Variants in ASTN1 observed in about 807,000 individuals in gnomAD.
ASTN1 encodes astrotactin-1.
A neutral mutation model predicts 140.7 loss-of-function variants in ASTN1; 41 were observed. The ratio of observed to expected loss-of-function variants is 0.29; its 90% CI spans 0.23 to 0.38. The LOEUF (loss-of-function observed/expected upper bound fraction) is 0.38. Among genes scored for constraint, ASTN1 ranks in the 10% least tolerant of loss-of-function variants. The pLI is 1.00. For missense variants in ASTN1, 1,479 were observed against 1,678.8 expected (o/e 0.88, Z 2.08); for synonymous variants, 640 against 652.2 (o/e 0.98, Z 0.29).
At chr1:177,077,805 T>G (rs776959616) in intron 1 of ASTN1, among the ~76,000 whole-genome samples, 1 of 152,136 alleles carries the variant, frequency 6.6e-6, no homozygotes, top group Non-Finnish European at 1.5e-5. Flanking sequence ...CCTGAGGCCC[T>G]TCATTTCACA....
chr1:177,149,641 A>AAT (rs1183190274), intron 1 of ASTN1, among the ~76,000 whole-genome samples: 1 of 85,426 alleles, frequency 1.2e-5, no homozygotes, highest in African/African-American at 7.2e-5. Context: ...ATATATAGTA[A>AAT]ATATATATAC....
chr1:176,917,904 G>A (rs1670558772), intron 16 of ASTN1, among the ~76,000 whole-genome samples: 2 of 152,136 alleles, frequency 1.3e-5, no homozygotes, highest in South Asian at 2.1e-4. Flanking sequence ...ACAGGGTGGC[G>A]AGAAAAACAG....
chr1:177,101,704 T>C (rs1680308201), intron 1 of ASTN1, among the ~76,000 whole-genome samples: 1 of 152,144 alleles, frequency 6.6e-6, no homozygotes, highest in East Asian at 1.9e-4. Context: ...ATATGTCATT[T>C]AAAAAAATTG....
At chr1:177,149,232 A>AT (rs1682877600) in intron 1 of ASTN1, among the ~76,000 whole-genome samples, 2 of 80,302 alleles carry the variant, frequency 2.5e-5, no homozygotes, top group African/African-American at 2.2e-4. Flanking sequence ...TATATATAGT[A>AT]AATATATATA....
At chr1:176,878,699 A>C (rs1390740144) in intron 20 of ASTN1, among the ~76,000 whole-genome samples, 2 of 151,824 alleles carry the variant, frequency 1.3e-5, no homozygotes, top group Admixed American at 1.3e-4. Flanking sequence ...TCCTCTGCCC[A>C]CCTGCTCTAG....
At chr1:177,131,708 A>C (rs190323245) in intron 1 of ASTN1, among the ~76,000 whole-genome samples, 215 of 152,324 alleles carry the variant, frequency 1.4e-3, no homozygotes, top group Admixed American at 2.2e-3. Context: ...AGAATACCTG[A>C]GAGCAGGTAG....
intron 19 of ASTN1, among the ~76,000 whole-genome samples, chr1:176,883,226 A>G (rs1668883205): frequency 6.8e-6 from 1 of 147,520 alleles, no homozygotes; most frequent in Non-Finnish European, 1.5e-5. Context: ...CACACCTGAG[A>G]GCTTCTTTTT....
rs375576509 is a variant in ASTN1 at position 176,977,931 on chromosome 1, AGGCAG to A, written c.1524-12699_1524-12695del. ...GACTTGGGGTGACATCCTCATTTCCAGGCAGGGTGGAAGAGATCGCAAGTGAAATG... is the reference window on the plus strand; with the variant it reads ...GACTTGGGGTGACATCCTCATTTCCAGGTGGAAGAGATCGCAAGTGAAATG... On this transcript the variant is annotated intron_variant, in intron 8 of 22. Coordinates refer to ENST00000361833, the MANE Select transcript of ASTN1 (RefSeq NM_004319.3). Among the ~76,000 whole-genome samples the A allele has an allele frequency of 2.8e-4, 42 of 152,328 alleles. No homozygotes were observed. In the South Asian group the frequency reaches 8.5e-3, roughly 31 times the overall value.
At chr1:177,063,335 G>A (rs578187444) in intron 1 of ASTN1, among the ~76,000 whole-genome samples, 1 of 152,212 alleles carries the variant, frequency 6.6e-6, no homozygotes, top group African/African-American at 2.4e-5. Flanking sequence ...TAACCACCTA[G>A]AGGACTCAGT....
intron 22 of ASTN1, among the ~76,000 whole-genome samples, chr1:176,865,271 C>G (rs573104769): frequency 4.0e-4 from 61 of 152,282 alleles, no homozygotes; most frequent in African/African-American, 1.3e-3. Context: ...GGAGAGAGGA[C>G]AGCAAGGTGC....
At chr1:176,985,895 C>CACAG (rs1553238635) in intron 8 of ASTN1, among the ~76,000 whole-genome samples, 1 of 138,634 alleles carries the variant, frequency 7.2e-6, no homozygotes, top group African/African-American at 2.8e-5. Flanking sequence ...CACACACACA[C>CACAG]AGACAGCCTT....
intron 1 of ASTN1, among the ~76,000 whole-genome samples, chr1:177,080,698 T>G (rs1432860773): frequency 1.3e-5 from 2 of 152,176 alleles, no homozygotes; most frequent in East Asian, 3.9e-4. Context: ...TCTTGAGATT[T>G]TATGTCCCTA....
At chr1:176,868,188 G>T (rs1193878173) in intron 22 of ASTN1, among the ~76,000 whole-genome samples, 1 of 152,144 alleles carries the variant, frequency 6.6e-6, no homozygotes, top group Non-Finnish European at 1.5e-5. Context: ...GCAATATACA[G>T]TTATGATTAA....
intron 1 of ASTN1, among the ~76,000 whole-genome samples, chr1:177,093,763 A>G (rs1158407729): frequency 6.6e-6 from 1 of 152,220 alleles, no homozygotes; most frequent in African/African-American, 2.4e-5. Context: ...ATCAACAAAG[A>G]AAAGGTTAGA....
chr1:177,055,166 C>A (rs927585748), intron 2 of ASTN1, among the ~76,000 whole-genome samples: 2 of 152,174 alleles, frequency 1.3e-5, no homozygotes, highest in African/African-American at 4.8e-5. Context: ...AGTGGTAAAG[C>A]CAGCATATGA....
chr1:177,129,119 A>T lies in ASTN1; in HGVS notation c.283+35275T>A, dbSNP rs561094368. On this transcript the variant is annotated intron_variant, in intron 1 of 22. Transcript: ENST00000361833. ...GAAAGAAACCAGACCACATTTCACC[A>T]TATAGTGGAATTCATCTTATTGGGA... Among the ~76,000 whole-genome samples, 95 of 152,306 alleles carry T rather than the reference A, an allele frequency of 6.2e-4. No individual in the cohort carries two copies. In the Middle Eastern group the frequency reaches 0.01, roughly 16 times the overall value.
intron 1 of ASTN1, among the ~76,000 whole-genome samples, chr1:177,080,272 A>C (rs1323759036): frequency 6.6e-6 from 1 of 151,414 alleles, no homozygotes; most frequent in Non-Finnish European, 1.5e-5. Flanking sequence ...AAAAAAAAAA[A>C]AAAAAAAAAC....
At chr1:177,119,042 A>C (rs1424240744) in intron 1 of ASTN1, among the ~76,000 whole-genome samples, 1 of 152,138 alleles carries the variant, frequency 6.6e-6, no homozygotes, top group Non-Finnish European at 1.5e-5. Context: ...CTTGAATGTC[A>C]TCTTCACTGG....
In ASTN1 at chr1:177,163,738, C is replaced by G. The variant is rs184577062; in HGVS notation, c.283+656G>C. Among the ~76,000 whole-genome samples the G allele has an allele frequency of 6.6e-5, 10 of 152,278 alleles. No individual in the cohort carries two copies. In the East Asian group the frequency reaches 1.9e-3, roughly 29 times the overall value. On this transcript the variant is annotated intron_variant, in intron 1 of 22. Transcript: ENST00000361833. ...ATATCTTTAACCAACTGTGACGTGA[C>G]ATGGATGTGTGGATGTGGTTGAATT...
Sources: allele counts gnomAD v4.1 joint callset (sites outside exome capture counted in the v4.1 genomes callset), GRCh38; gene constraint gnomAD v4.1.1; transcripts MANE v1.5; gene names NCBI Gene and HGNC (gene_info 2026-07-23, HGNC 2026-07-21).